The following INIP variants were observed in gnomAD, a reference collection of about 807,000 sequenced individuals.
INIP encodes INTS3 and NABP interacting protein.
A neutral mutation model predicts 14.0 loss-of-function variants in INIP; 9 were observed. The observed-to-expected ratio is 0.64, with a 90% CI of 0.39 to 1.12. INIP has a LOEUF of 1.12. Among genes scored for constraint, INIP ranks in the 50% most tolerant of loss-of-function variants. The probability of loss-of-function intolerance (pLI) is 0.01; values close to 1 mark genes in which losing one functional copy is unlikely to be tolerated. For missense variants in INIP, 78 were observed against 122.7 expected (o/e 0.64, Z 1.72); for synonymous variants, 37 against 41.5 (o/e 0.89, Z 0.41).
At chr9:112,688,856 TAAATA>T (rs988000092) in intron 4 of INIP, among the ~76,000 whole-genome samples, 40 of 151,870 alleles carry the variant, frequency 2.6e-4, no homozygotes, top group African/African-American at 6.3e-4. Flanking sequence ...AAAAAATAGA[TAAATA>T]AAATAAAATA....
intron 2 of INIP, among the ~76,000 whole-genome samples, chr9:112,714,692 T>C (rs1475123651): frequency 6.6e-6 from 1 of 152,234 alleles, no homozygotes; most frequent in Non-Finnish European, 1.5e-5. Flanking sequence ...AATTTCAATG[T>C]AAATAATCTT....
At chr9:112,708,147 A>G (rs1033622736) in intron 2 of INIP, among the ~76,000 whole-genome samples, 1 of 152,240 alleles carries the variant, frequency 6.6e-6, no homozygotes, top group Admixed American at 6.5e-5. Flanking sequence ...TAAAGAAACC[A>G]TTTGATGAGC....
chr9:112,690,298 C>T (rs1837837405), intron 3 of INIP, among the ~76,000 whole-genome samples: 1 of 152,048 alleles, frequency 6.6e-6, no homozygotes, highest in Non-Finnish European at 1.5e-5. Context: ...CAAGACCAGC[C>T]TGGGCAATAC....
chr9:112,684,200 C>T lies in INIP; in HGVS notation c.*3338G>A, dbSNP rs192655501. ...GAAGAGAAAGAAATAAACAAAAATTCTTGCTCTCTAAGACTTTACATACTA... is the reference window on the plus strand; with the variant it reads ...GAAGAGAAAGAAATAAACAAAAATTTTTGCTCTCTAAGACTTTACATACTA... On this transcript the variant is annotated 3_prime_UTR_variant, in exon 5 of 5. Coordinates refer to ENST00000374242, the MANE Select transcript of INIP (RefSeq NM_021218.3). 3 of 152,202 alleles carry T rather than the reference C, an allele frequency of 2.0e-5. No individual in the cohort carries two copies. The highest frequency in any genetic ancestry group is 2.9e-5 in the Non-Finnish European group (2 of 68,008). The allele number at this position is 152,202 out of a possible 1,614,324, so 9.4% of individuals were successfully genotyped here. A position where few individuals can be genotyped will look rare whatever the true frequency, so the allele number is the denominator to read the frequency against.
chr9:112,717,925 G>A (rs991663049), intron 1 of INIP, 62 bp downstream of exon 1: 2 of 152,656 alleles, frequency 1.3e-5, no homozygotes, highest in Admixed American at 6.5e-5. Flanking sequence ...AGACGGCGGC[G>A]ACAGGTTAGC....
At chr9:112,699,529 T>C (rs765909035) in intron 2 of INIP, among the ~76,000 whole-genome samples, 1 of 152,204 alleles carries the variant, frequency 6.6e-6, no homozygotes, top group Non-Finnish European at 1.5e-5. Context: ...TTGTTAATTG[T>C]ATTATTATTG....
At chr9:112,699,026 T>C (rs1160466824) in intron 2 of INIP, among the ~76,000 whole-genome samples, 1 of 152,182 alleles carries the variant, frequency 6.6e-6, no homozygotes, top group Non-Finnish European at 1.5e-5. Flanking sequence ...ATTATTTTTA[T>C]TTAAAAACGG....
At chr9:112,700,074 C>T (rs1392154974) in intron 2 of INIP, among the ~76,000 whole-genome samples, 1 of 152,072 alleles carries the variant, frequency 6.6e-6, no homozygotes, top group Non-Finnish European at 1.5e-5. Context: ...TTTTAAATAA[C>T]CACAATTAAT....
chr9:112,691,869 G>T (rs1163539096), intron 3 of INIP, among the ~76,000 whole-genome samples: 4 of 152,206 alleles, frequency 2.6e-5, no homozygotes, highest in Non-Finnish European at 5.9e-5. Flanking sequence ...AGTTTGCTGG[G>T]TGTGGTGGGG....
At chr9:112,701,860 G>A (rs1838309406) in intron 2 of INIP, 1 of 152,078 alleles carries the variant, frequency 6.6e-6, no homozygotes, top group African/African-American at 2.4e-5. Context: ...GATCAGCCTG[G>A]GCAACACAGC....
In INIP at chr9:112,684,753, C is replaced by G. The variant is rs1020449314; in HGVS notation, c.*2785G>C. ...GTTGAGGCTTTTGCACTTTGAAAAA[C>G]ACTAGTCTAGACAATTTCTGACATG... On this transcript the variant is annotated 3_prime_UTR_variant, in exon 5 of 5. Transcript: ENST00000374242. 1 of 152,132 alleles carries G rather than the reference C, an allele frequency of 6.6e-6. No homozygotes were observed. Among genetic ancestry groups the G allele is most frequent in the Non-Finnish European group, 1.5e-5 (1 of 68,038 alleles). The allele number at this position is 152,132 out of a possible 1,614,324, so 9.4% of individuals were successfully genotyped here.
At chr9:112,701,033 A>C (rs1306355774) in intron 2 of INIP, among the ~76,000 whole-genome samples, 2 of 152,234 alleles carry the variant, frequency 1.3e-5, no homozygotes, top group Non-Finnish European at 2.9e-5. Flanking sequence ...TGGTTATAAA[A>C]GCAGCCCACT....
At chr9:112,717,589 G>A (rs750295691) in intron 1 of INIP, among the ~76,000 whole-genome samples, 1 of 151,816 alleles carries the variant, frequency 6.6e-6, no homozygotes, top group South Asian at 2.1e-4. Flanking sequence ...CGGAGGCAAA[G>A]AATTGATTTC....
chr9:112,717,193 A>C (rs542123522), intron 1 of INIP, among the ~76,000 whole-genome samples: 19 of 152,310 alleles, frequency 1.2e-4, no homozygotes, highest in Non-Finnish European at 2.5e-4. Context: ...AGGAAGAAAA[A>C]TCATTCATCT....
chr9:112,716,222 G>A (rs917814802), intron 2 of INIP, among the ~76,000 whole-genome samples: 8 of 152,008 alleles, frequency 5.3e-5, no homozygotes, highest in Middle Eastern at 3.2e-3. Flanking sequence ...ACAGGTGCCC[G>A]CCACCATGCC....
intron 2 of INIP, among the ~76,000 whole-genome samples, chr9:112,697,092 T>C (rs1017157552): frequency 6.6e-6 from 1 of 152,116 alleles, no homozygotes; most frequent in African/African-American, 2.4e-5. Context: ...ATAGGGTTGG[T>C]TTCCCTGGCA....
intron 1 of INIP, among the ~76,000 whole-genome samples, chr9:112,717,145 T>C (rs1446830722): frequency 6.6e-6 from 1 of 152,170 alleles, no homozygotes; most frequent in Non-Finnish European, 1.5e-5. Context: ...TTACCAAATA[T>C]ATCAACCAAT....
Position 112,687,889 on chromosome 9 carries a change from T to C in INIP, c.220-256A>G, listed in dbSNP as rs192863528. ...TCACGAGGTCAGGAGATCGAGACCA[T>C]CCTGGCTAACGTGGTGAAACCCCGT... On this transcript the variant is annotated intron_variant, in intron 4 of 4. Transcript: ENST00000374242. 9.3e-4 allele frequency among the ~76,000 whole-genome samples: 142 copies of C among 152,056 alleles called. 3 individuals carry two copies. Among genetic ancestry groups the C allele is most frequent in the East Asian group, 5.4e-3 (28 of 5,164 alleles).
chr9:112,711,023 A>T (rs545939399), intron 2 of INIP, among the ~76,000 whole-genome samples: 53 of 151,894 alleles, frequency 3.5e-4, no homozygotes, highest in Non-Finnish European at 6.2e-4. Flanking sequence ...TACAGGAAAA[A>T]AAAAAAGAAA....
Sources: gnomAD v4.1 joint callset for allele counts (sites outside exome capture counted in the v4.1 genomes callset) on GRCh38, gnomAD v4.1.1 for gene constraint, MANE v1.5 for transcripts, NCBI Gene and HGNC (gene_info 2026-07-23, HGNC 2026-07-21) for gene names.